The following MED13 variants were observed in gnomAD, a reference collection of about 807,000 sequenced individuals.
MED13 encodes mediator complex subunit 13.
In MED13, 23 loss-of-function variants were observed where a neutral mutation model predicts 225.2. That is an observed-to-expected ratio of 0.10 (90% confidence interval 0.07 to 0.14). MED13 has a LOEUF of 0.14. MED13 is among the 10% of genes least tolerant of loss of function. The pLI is 1.00. For missense variants in MED13, 2,197 were observed against 2,594.5 expected, an observed-to-expected ratio of 0.85 and a Z score of 3.33; for synonymous variants, 942 against 889.2, an observed-to-expected ratio of 1.06 and a Z score of -1.06.
In MED13 at chr17:62,054,443, C is replaced by T. The variant is rs2080981383; in HGVS notation, c.302-1738G>A. On this transcript the variant is annotated intron_variant, in intron 2 of 29. Transcript: ENST00000397786. ...ATAAATATTAAATAGGAAAAATTCA[C>T]ATTCTATTATATCAAAGACACCGTT... Among the ~76,000 whole-genome samples, 3 of 152,066 alleles carry T rather than the reference C, an allele frequency of 2.0e-5. No homozygotes were observed. The South Asian group carries it at 6.2e-4, about 31-fold the overall frequency.
At chr17:61,973,662 G>A (rs987261137) in intron 16 of MED13, among the ~76,000 whole-genome samples, 1 of 152,056 alleles carries the variant, frequency 6.6e-6, no homozygotes, top group African/African-American at 2.4e-5. Flanking sequence ...CTAGTTTATC[G>A]TTATTGGCCC....
chr17:62,015,940 ATATATATATATATATTTTTTTTTTTT>A lies in MED13; in HGVS notation c.1284-4733_1284-4708del, dbSNP rs1235351191. Reference sequence around the variant, plus strand: ...CATATATATATATATATATATATATATATATATATATATATTTTTTTTTTTTTTTTTTTTTTTTTTTTTAGTAGAGA... The same window carrying A: ...CATATATATATATATATATATATATATTTTTTTTTTTTTTTTTAGTAGAGA... On this transcript the variant is annotated intron_variant, in intron 8 of 29. Transcript: ENST00000397786. Among the ~76,000 whole-genome samples the A allele has an allele frequency of 7.2e-3, 69 of 9,638 alleles. 3 individuals carry two copies. The highest frequency in any genetic ancestry group is 0.017 in the African/African-American group (62 of 3,750). The allele number at this position is 9,638 out of a possible 152,430, so 6.3% of individuals were successfully genotyped here. A position where few individuals can be genotyped will look rare whatever the true frequency, so the allele number is the denominator to read the frequency against.
intron 8 of MED13, among the ~76,000 whole-genome samples, chr17:62,015,796 CTATA>C (rs963153082): frequency 2.3e-5 from 3 of 128,796 alleles, no homozygotes; most frequent in Non-Finnish European, 4.9e-5. Flanking sequence ...TACACACACA[CTATA>C]TATATCTATA....
At chr17:62,021,392 G>T (rs1254896668) in intron 8 of MED13, among the ~76,000 whole-genome samples, 2 of 149,612 alleles carry the variant, frequency 1.3e-5, no homozygotes. Context: ...CTCCCTCCCG[G>T]ACGGGGCGGC....
rs1346327919 is a variant in MED13, at chr17:61,968,049, T to C, written c.4177A>G (p.Thr1393Ala). 1.2e-6 allele frequency: 2 copies of C among 1,610,832 alleles called. No homozygotes were observed. Among genetic ancestry groups the C allele is most frequent in the Middle Eastern group, 1.7e-4 (1 of 6,034 alleles). The change falls in exon 18 of 30, where the codon ACT (threonine) becomes GCT (alanine). Residue 1393 changes from threonine to alanine, a missense_variant. Physicochemically the swap from Thr to Ala is moderately conservative, Grantham distance 58. Coordinates refer to ENST00000397786, the MANE Select transcript of MED13 (RefSeq NM_005121.3). ...NGAKSFFRDLTAIYESCRLGQ... is the reference protein window; with the variant it reads ...NGAKSFFRDLAAIYESCRLGQ... ...TAAACACCTACCTCATATATTGCAG[T>C]AAGATCTCTAAAAAAGCTTTTTGCT...
At chr17:62,056,928 A>G (rs948128811) in intron 2 of MED13, among the ~76,000 whole-genome samples, 1 of 152,206 alleles carries the variant, frequency 6.6e-6, no homozygotes. Context: ...CACAAATGCT[A>G]AATTTGATTA....
rs1172154054 is a variant in MED13 at position 61,950,866 on chromosome 17, C to A, written c.6250G>T (p.Ala2084Ser). The change falls in exon 28 of 30, where the codon GCA (alanine) becomes TCA (serine). Residue 2084 changes from alanine (A) to serine (S), a missense_variant. This residue lies in a region of MED13 where 216 missense variants were observed against 388.9 expected (regional missense o/e 0.56). Transcript: ENST00000397786. Reference sequence around the variant, plus strand: ...CACTGATATTGTGCTTGAGGACATGCTGACCAGAACCAGTCAGGTAATGGA... The same window carrying A: ...CACTGATATTGTGCTTGAGGACATGATGACCAGAACCAGTCAGGTAATGGA... ...AGPLPDWFWSACPQAQYQCPL... is the reference protein window; with the variant it reads ...AGPLPDWFWSSCPQAQYQCPL... 1.2e-6 allele frequency: 2 copies of A among 1,613,514 alleles called. No homozygotes were observed. Among genetic ancestry groups the A allele is most frequent in the African/African-American group, 1.3e-5 (1 of 74,906 alleles).
intron 8 of MED13, among the ~76,000 whole-genome samples, chr17:62,022,827 T>A (rs541673022): frequency 6.6e-6 from 1 of 151,908 alleles, no homozygotes; most frequent in Non-Finnish European, 1.5e-5. Flanking sequence ...CTGGGCAACA[T>A]AGCATGACCC....
intron 1 of MED13, among the ~76,000 whole-genome samples, chr17:62,063,596 A>C (rs527650191): frequency 6.6e-6 from 1 of 152,330 alleles, no homozygotes; most frequent in Non-Finnish European, 1.5e-5. Flanking sequence ...TTCAATATGC[A>C]AACAGAGTAC....
At chr17:61,986,709 C>A (rs557279500) in intron 12 of MED13, among the ~76,000 whole-genome samples, 33 of 152,174 alleles carry the variant, frequency 2.2e-4, no homozygotes, top group African/African-American at 7.9e-4. Context: ...GAAAATAATT[C>A]TGCTTCCTAA....
chr17:62,015,819 TAC>T (rs200294393), intron 8 of MED13, among the ~76,000 whole-genome samples: 1 of 120,436 alleles, frequency 8.3e-6, no homozygotes. Flanking sequence ...TATATATACA[TAC>T]ACACTATATA....
At chr17:61,960,837 G>A in intron 23 of MED13, 30 bp downstream of exon 23, 1 of 1,427,404 alleles carries the variant, frequency 7.0e-7, no homozygotes, top group Non-Finnish European at 9.8e-7. Context: ...CAAATGGAAT[G>A]ATATGATATA....
In MED13 at chr17:62,064,342, G is replaced by C. The variant is rs145525813; in HGVS notation, c.66+798C>G. On this transcript the variant is annotated intron_variant, in intron 1 of 29. Coordinates refer to ENST00000397786, the MANE Select transcript of MED13 (RefSeq NM_005121.3). ...CCAGACCTGGGCTAACCTACACAAT[G>C]ATCATCCCTACATCCCGCTTCTCTC... Among the ~76,000 whole-genome samples, 494 of 152,246 alleles carry C rather than the reference G, an allele frequency of 3.2e-3. 3 individuals carry two copies. Among genetic ancestry groups the C allele is most frequent in the Middle Eastern group, 0.014 (4 of 294 alleles).
chr17:61,990,650 T>C (rs191029120), intron 11 of MED13, among the ~76,000 whole-genome samples: 299 of 141,154 alleles, frequency 2.1e-3, no homozygotes, highest in Non-Finnish European at 2.5e-3. Context: ...TATATATATA[T>C]ACACACTCCC....
rs148109136 is a variant in MED13 at position 62,015,458 on chromosome 17, C to G, written c.1284-4225G>C. 7.1e-3 allele frequency among the ~76,000 whole-genome samples: 1,073 copies of G among 152,182 alleles called. 7 individuals carry two copies. Among genetic ancestry groups the G allele is most frequent in the South Asian group, 0.015 (72 of 4,816 alleles). ...TGTTTATCAAAAAAACAATAAGTTG[C>G]AGAAATACAGCATGATTCCATTTGT... On this transcript the variant is annotated intron_variant, in intron 8 of 29. Transcript: ENST00000397786.
chr17:62,029,775 T>C, intron 7 of MED13, 76 bp downstream of exon 7: 3 of 1,522,740 alleles, frequency 2.0e-6, no homozygotes, highest in Non-Finnish European at 2.7e-6. Flanking sequence ...CAAATGACTG[T>C]TTATACTTTA....
intron 2 of MED13, among the ~76,000 whole-genome samples, chr17:62,054,369 C>T (rs1162278530): frequency 4.6e-5 from 7 of 151,852 alleles, no homozygotes; most frequent in Non-Finnish European, 1.0e-4. Flanking sequence ...GAGAAAATGA[C>T]AATATTTCAG....
intron 3 of MED13, among the ~76,000 whole-genome samples, chr17:62,050,302 G>T (rs2080944507): frequency 6.6e-6 from 1 of 151,398 alleles, no homozygotes; most frequent in Admixed American, 6.6e-5. Context: ...AGGTTGCAGT[G>T]AGCCGAGATC....
chr17:62,034,464 G>A (rs1012095359), intron 4 of MED13, among the ~76,000 whole-genome samples: 5 of 147,644 alleles, frequency 3.4e-5, no homozygotes, highest in Non-Finnish European at 5.9e-5. Context: ...TCTAGCCTGG[G>A]CAACAGAGGG....
Sources: allele counts gnomAD v4.1 joint callset (sites outside exome capture counted in the v4.1 genomes callset), GRCh38; gene constraint gnomAD v4.1.1; regional missense constraint gnomAD v4.1.1; transcripts MANE v1.5; gene names NCBI Gene and HGNC (gene_info 2026-07-23, HGNC 2026-07-21).